The following SMIM14 variants were observed in gnomAD, a reference collection of about 807,000 sequenced individuals.
The protein encoded by SMIM14 is chromosome 4 open reading frame 34.
A neutral mutation model predicts 12.6 loss-of-function variants in SMIM14; 5 were observed. The ratio of observed to expected loss-of-function variants is 0.40; its 90% CI spans 0.21 to 0.83. The LOEUF is 0.83. Ranked by LOEUF, SMIM14 falls within the 40% of genes least tolerant of loss-of-function variation. SMIM14 has a pLI of 0.37. For missense variants in SMIM14, 86 were observed against 119.1 expected (o/e 0.72, Z 1.29); for synonymous variants, 30 against 40.1 (o/e 0.75, Z 0.95).
At chr4:39,553,135 A>T (rs1021790357) in intron 4 of SMIM14, among the ~76,000 whole-genome samples, 1 of 147,910 alleles carries the variant, frequency 6.8e-6, no homozygotes, top group African/African-American at 2.5e-5. Context: ...ATCTCGGCTC[A>T]CTGCAAACTC....
intron 2 of SMIM14, among the ~76,000 whole-genome samples, chr4:39,597,575 C>G (rs1714423286): frequency 6.6e-6 from 1 of 151,664 alleles, no homozygotes; most frequent in Admixed American, 6.6e-5. Context: ...TCCCGAGTAG[C>G]TGGGATTACA....
At chr4:39,579,133 G>A (rs1314719239) in intron 2 of SMIM14, among the ~76,000 whole-genome samples, 1 of 152,008 alleles carries the variant, frequency 6.6e-6, no homozygotes, top group Non-Finnish European at 1.5e-5. Context: ...AAAAGGCCGG[G>A]TGCAGTGGCT....
chr4:39,610,074 T>C lies in SMIM14; in HGVS notation c.-35-4894A>G, dbSNP rs187726406. ...GGCGCGAACACACCTCACTGCAGCCTCAACCTCCCAGGCTCAAGTGATCCT... is the reference window on the plus strand; with the variant it reads ...GGCGCGAACACACCTCACTGCAGCCCCAACCTCCCAGGCTCAAGTGATCCT... On this transcript the variant is annotated intron_variant, in intron 1 of 4. Transcript: ENST00000295958. Among the ~76,000 whole-genome samples, 47 of 152,298 alleles carry C rather than the reference T, an allele frequency of 3.1e-4. No homozygotes were observed. The East Asian group carries it at 8.5e-3, about 27-fold the overall frequency.
At chr4:39,614,187 A>T (rs1427594388) in intron 1 of SMIM14, among the ~76,000 whole-genome samples, 2 of 19,192 alleles carry the variant, frequency 1.0e-4, no homozygotes, top group Non-Finnish European at 1.8e-4. Context: ...CTCCATTACA[A>T]AAAAAAAAAA....
chr4:39,593,202 A>C (rs2110041858), intron 2 of SMIM14: 1 of 152,258 alleles, frequency 6.6e-6, no homozygotes, highest in East Asian at 1.9e-4. Flanking sequence ...AAGCTTATCC[A>C]CCATGACCAA....
At chr4:39,552,297 A>C (rs1329700163) in intron 4 of SMIM14, 139 bp from the exon 5 acceptor site, 16 of 579,688 alleles carry the variant, frequency 2.8e-5, no homozygotes, top group Non-Finnish European at 4.5e-5. Context: ...CTGAGCAGCA[A>C]TGCCCCCAAC....
At chr4:39,565,896 A>G (rs1187311117) in intron 3 of SMIM14, among the ~76,000 whole-genome samples, 1 of 151,910 alleles carries the variant, frequency 6.6e-6, no homozygotes, top group Non-Finnish European at 1.5e-5. Context: ...GGTTTTAAAA[A>G]GGGGAGTTTC....
At position 39,611,193 on chromosome 4, in the gene SMIM14, C is replaced by G. The variant is rs568428413; in HGVS notation, c.-35-6013G>C. 3.9e-5 allele frequency among the ~76,000 whole-genome samples: 6 copies of G among 152,236 alleles called. No homozygotes were observed. In the East Asian group the frequency reaches 1.2e-3, roughly 29 times the overall value. ...AGTGTAAATCAAAACAATCTTATAC[C>G]TATCAGGAGATTGGTAAAATTAATT... On this transcript the variant is annotated intron_variant, in intron 1 of 4. Coordinates refer to ENST00000295958, the MANE Select transcript of SMIM14 (RefSeq NM_174921.3).
intron 3 of SMIM14, among the ~76,000 whole-genome samples, chr4:39,566,216 TGACTG>T (rs1365930189): frequency 1.3e-5 from 2 of 151,588 alleles, no homozygotes; most frequent in East Asian, 3.9e-4. Flanking sequence ...TGCTGATAGA[TGACTG>T]GACAGTGTGA....
At chr4:39,625,137 G>A (rs1715645392) in intron 1 of SMIM14, among the ~76,000 whole-genome samples, 1 of 150,574 alleles carries the variant, frequency 6.6e-6, no homozygotes, top group African/African-American at 2.4e-5. Context: ...AGAACTGCTT[G>A]ACCCTAGGAG....
At position 39,550,640 on chromosome 4, in the gene SMIM14, T is replaced by G. The variant is rs1260289912; in HGVS notation, c.*1486A>C. The G allele has an allele frequency of 6.6e-6, 1 of 152,184 alleles. No homozygotes were observed. Among genetic ancestry groups the G allele is most frequent in the Non-Finnish European group, 1.5e-5 (1 of 68,038 alleles). 9.4% of individuals were successfully genotyped at this position (152,184 alleles called of 1,614,324 possible). ...CTTTATTTCAAACTGAGCAAAACAA[T>G]ACAACCTTTTACTTTTTTATACATT... On this transcript the variant is annotated 3_prime_UTR_variant, in exon 5 of 5. Coordinates refer to ENST00000295958, the MANE Select transcript of SMIM14 (RefSeq NM_174921.3).
chr4:39,575,886 T>TG (rs1713143706), intron 2 of SMIM14, among the ~76,000 whole-genome samples: 2 of 146,916 alleles, frequency 1.4e-5, no homozygotes, highest in Non-Finnish European at 1.5e-5. Flanking sequence ...TGAGCCACCA[T>TG]ACCCAGCCTA....
intron 2 of SMIM14, among the ~76,000 whole-genome samples, chr4:39,588,294 C>A (rs1713888679): frequency 6.6e-6 from 1 of 152,134 alleles, no homozygotes; most frequent in African/African-American, 2.4e-5. Context: ...GTAATCCCAG[C>A]ACTTTGGGAG....
intron 2 of SMIM14, among the ~76,000 whole-genome samples, chr4:39,603,296 T>C (rs1415897966): frequency 2.0e-5 from 3 of 152,178 alleles, no homozygotes; most frequent in Non-Finnish European, 4.4e-5. Flanking sequence ...CGGTGGCTCA[T>C]GCCTGTAATC....
intron 2 of SMIM14, among the ~76,000 whole-genome samples, chr4:39,595,359 A>T (rs1714309045): frequency 1.5e-5 from 2 of 133,540 alleles, no homozygotes; most frequent in African/African-American, 2.8e-5. Flanking sequence ...AACAATGAGA[A>T]CACATGGACA....
Position 39,554,961 on chromosome 4 carries a change from G to A in SMIM14, c.267+1467C>T, listed in dbSNP as rs529522096. On this transcript the variant is annotated intron_variant, in intron 4 of 4. Transcript: ENST00000295958. ...AGCAATTCTCTTGCCTCAGCCTCCC[G>A]AGTAGCTGGGATTACAGGTGCCCAC... Among the ~76,000 whole-genome samples the A allele has an allele frequency of 1.3e-3, 190 of 149,552 alleles. 1 individual carries two copies. Among genetic ancestry groups the A allele is most frequent in the African/African-American group, 4.6e-3 (187 of 40,782 alleles).
intron 1 of SMIM14, among the ~76,000 whole-genome samples, chr4:39,620,168 A>C (rs1247384060): frequency 6.7e-6 from 1 of 149,454 alleles, no homozygotes; most frequent in Non-Finnish European, 1.5e-5. Context: ...GCAAGATCCC[A>C]TCTCTATTAA....
chr4:39,565,850 T>C (rs1712543756), intron 3 of SMIM14, among the ~76,000 whole-genome samples: 1 of 151,964 alleles, frequency 6.6e-6, no homozygotes, highest in South Asian at 2.1e-4. Context: ...TCCTGCGCTC[T>C]TCTCATGATA....
Position 39,546,693 on chromosome 4 carries a change from T to A in SMIM14, c.*5433A>T, listed in dbSNP as rs1026024026. ...GAGGATTCAGATATCCGTTGACATG[T>A]ACATGACAATCTTTAGATTAAATCA... is the stretch of plus-strand genomic sequence containing the variant. On this transcript the variant is annotated 3_prime_UTR_variant, in exon 5 of 5. Transcript: ENST00000295958. 1 of 152,390 alleles carries A rather than the reference T, an allele frequency of 6.6e-6. No homozygotes were observed. The highest frequency in any genetic ancestry group is 2.1e-4 in the South Asian group (1 of 4,828). 9.4% of individuals were successfully genotyped at this position (152,390 alleles called of 1,614,324 possible).
Sources: gnomAD v4.1 joint callset for allele counts (sites outside exome capture counted in the v4.1 genomes callset) on GRCh38, gnomAD v4.1.1 for gene constraint, MANE v1.5 for transcripts, NCBI Gene and HGNC (gene_info 2026-07-23, HGNC 2026-07-21) for gene names.